The following TMEM117 variants were observed in gnomAD, a reference collection of about 807,000 sequenced individuals.
The protein encoded by TMEM117 is transmembrane protein 117.
A neutral mutation model predicts 52.4 loss-of-function variants in TMEM117; 27 were observed. The ratio of observed to expected loss-of-function variants is 0.51; its 90% CI spans 0.38 to 0.71. The LOEUF is 0.71. Among genes scored for constraint, TMEM117 ranks in the 30% least tolerant of loss-of-function variants. TMEM117 has a pLI of 0.00. For missense variants in TMEM117, 556 were observed against 630.5 expected (o/e 0.88, Z 1.26); for synonymous variants, 215 against 206.3 (o/e 1.04, Z -0.36).
chr12:44,049,834 A>G (rs901508458), intron 3 of TMEM117, among the ~76,000 whole-genome samples: 8 of 152,186 alleles, frequency 5.3e-5, no homozygotes, highest in East Asian at 3.8e-4. Flanking sequence ...TAGTTTTTCA[A>G]TTGGAGAGAA....
At chr12:43,931,747 A>T (rs191968822) in intron 2 of TMEM117, among the ~76,000 whole-genome samples, 1 of 152,298 alleles carries the variant, frequency 6.6e-6, no homozygotes, top group Admixed American at 6.5e-5. Flanking sequence ...AATCTATCTG[A>T]ATTCTGAGGA....
intron 3 of TMEM117, among the ~76,000 whole-genome samples, chr12:44,077,174 A>G (rs1320961289): frequency 6.6e-6 from 1 of 152,174 alleles, no homozygotes. Context: ...GGCAGTGAAA[A>G]GCTCTCATTA....
At chr12:43,868,945 T>C (rs983983662) in intron 2 of TMEM117, among the ~76,000 whole-genome samples, 11 of 152,102 alleles carry the variant, frequency 7.2e-5, no homozygotes, top group African/African-American at 2.2e-4. Context: ...ACTAGAAATT[T>C]CTAGAAATAT....
intron 3 of TMEM117, among the ~76,000 whole-genome samples, chr12:44,107,184 G>A (rs977171576): frequency 1.3e-5 from 2 of 151,976 alleles, no homozygotes; most frequent in Admixed American, 1.3e-4. Context: ...AATTTCTACT[G>A]TAAAACTAAG....
Position 44,388,152 on chromosome 12 carries a change from CAGTGAAAGACTCAGAA to C in TMEM117, c.1029_1044del (p.Lys344Ter). 6.2e-7 allele frequency: 1 copy of C among 1,613,124 alleles called. No homozygotes were observed. Among genetic ancestry groups the C allele is most frequent in the East Asian group, 2.2e-5 (1 of 44,776 alleles). ...ATCGGCCCGGGGCAGAAGATATATA[CAGTGAAAGACTCAGAA>C]AGTTTAAAAGATTTGAACAGAACCA... On this transcript the variant is annotated frameshift_variant, in exon 8 of 8. Transcript: ENST00000266534. LOFTEE classifies it high-confidence loss of function.
intron 3 of TMEM117, among the ~76,000 whole-genome samples, chr12:44,064,996 T>A (rs1000178904): frequency 2.0e-5 from 3 of 152,246 alleles, no homozygotes; most frequent in African/African-American, 7.2e-5. Flanking sequence ...TTATGTGGTA[T>A]GCCTTGCATA....
intron 3 of TMEM117, among the ~76,000 whole-genome samples, chr12:44,094,559 C>T (rs1007687450): frequency 3.3e-5 from 5 of 152,042 alleles, no homozygotes; most frequent in African/African-American, 7.2e-5. Context: ...CTCTAGCACA[C>T]GGAGCAATTC....
At chr12:44,228,716 G>A (rs772376738) in intron 5 of TMEM117, among the ~76,000 whole-genome samples, 1 of 152,068 alleles carries the variant, frequency 6.6e-6, no homozygotes, top group Non-Finnish European at 1.5e-5. Context: ...TAATGCAAAG[G>A]CTCTGGGTGG....
intron 5 of TMEM117, among the ~76,000 whole-genome samples, chr12:44,245,750 T>C (rs1338936553): frequency 6.6e-6 from 1 of 152,180 alleles, no homozygotes; most frequent in East Asian, 1.9e-4. Context: ...CTGAGAACTC[T>C]GGATAGTATA....
chr12:44,115,084 C>T (rs778099632), intron 3 of TMEM117, among the ~76,000 whole-genome samples: 16 of 152,144 alleles, frequency 1.1e-4, no homozygotes, highest in South Asian at 2.1e-4. Flanking sequence ...GTAGCATATG[C>T]GTCATCTGTT....
intron 5 of TMEM117, among the ~76,000 whole-genome samples, chr12:44,255,599 A>G (rs1157498771): frequency 2.6e-5 from 4 of 152,200 alleles, no homozygotes; most frequent in African/African-American, 9.6e-5. Flanking sequence ...TTTCTTAAAA[A>G]TATCCACAAT....
At chr12:43,918,161 GTGATTATAAC>G (rs1164625382) in intron 2 of TMEM117, among the ~76,000 whole-genome samples, 1 of 152,186 alleles carries the variant, frequency 6.6e-6, no homozygotes, top group Non-Finnish European at 1.5e-5. Flanking sequence ...GCAGAGTGCT[GTGATTATAAC>G]TGTTACAAGG....
the TMEM117 span, among the ~76,000 whole-genome samples, chr12:43,819,316 T>G: frequency 6.6e-6 from 1 of 152,190 alleles, no homozygotes; most frequent in Non-Finnish European, 1.5e-5. Flanking sequence ...ATCTTTCTGA[T>G]TTTTGATTCT....
At chr12:44,220,056 C>T (rs568321343) in intron 5 of TMEM117, among the ~76,000 whole-genome samples, 18 of 152,184 alleles carry the variant, frequency 1.2e-4, no homozygotes, top group Admixed American at 7.2e-4. Flanking sequence ...TTTTCACTAT[C>T]TTTGGAAAGA....
At position 43,870,169 on chromosome 12, in the gene TMEM117, T is replaced by C. The variant is rs554916957; in HGVS notation, c.277+25241T>C. On this transcript the variant is annotated intron_variant, in intron 2 of 7. Coordinates refer to ENST00000266534, the MANE Select transcript of TMEM117 (RefSeq NM_032256.3). ...CATAATTTCTTTATCCAGTCAGTCATGGGTGGACATTTAGGTTGATTCCAT... is the reference window on the plus strand; with the variant it reads ...CATAATTTCTTTATCCAGTCAGTCACGGGTGGACATTTAGGTTGATTCCAT... Among the ~76,000 whole-genome samples, 12 of 152,306 alleles carry C rather than the reference T, an allele frequency of 7.9e-5. No individual in the cohort carries two copies. In the East Asian group the frequency reaches 1.5e-3, roughly 20 times the overall value.
intron 2 of TMEM117, among the ~76,000 whole-genome samples, chr12:43,932,336 G>GTTT (rs34671916): frequency 3.1e-5 from 4 of 129,456 alleles, no homozygotes; most frequent in Non-Finnish European, 5.0e-5. Context: ...CATTAAATAA[G>GTTT]TTTTTTTTTT....
chr12:44,131,966 T>C (rs1184903284), intron 3 of TMEM117, among the ~76,000 whole-genome samples: 3 of 152,146 alleles, frequency 2.0e-5, no homozygotes, highest in African/African-American at 7.2e-5. Context: ...ATTTTGAGCT[T>C]TTTATTTTCC....
At chr12:44,037,587 G>A (rs1946729885) in intron 3 of TMEM117, among the ~76,000 whole-genome samples, 1 of 152,186 alleles carries the variant, frequency 6.6e-6, no homozygotes, top group African/African-American at 2.4e-5. Flanking sequence ...GAAGCCTGGG[G>A]GCCTGGCTGA....
At chr12:44,313,493 C>T (rs1951016830) in intron 6 of TMEM117, among the ~76,000 whole-genome samples, 1 of 152,102 alleles carries the variant, frequency 6.6e-6, no homozygotes, top group African/African-American at 2.4e-5. Context: ...CAATATCATG[C>T]TGTTTTGATT....
Sources: gnomAD v4.1 joint callset for allele counts (sites outside exome capture counted in the v4.1 genomes callset) on GRCh38, gnomAD v4.1.1 for gene constraint, MANE v1.5 for transcripts, NCBI Gene and HGNC (gene_info 2026-07-23, HGNC 2026-07-21) for gene names.